Variants in SLC38A11 observed in about 807,000 individuals in gnomAD.
SLC38A11 encodes putative sodium-coupled neutral amino acid transporter 11.
SLC38A11 carries 51 observed loss-of-function variants against 49.4 expected under a neutral mutation model. The observed-to-expected ratio is 1.03, with a 90% CI of 0.83 to 1.30. SLC38A11 has a LOEUF of 1.30. Ranked by LOEUF, SLC38A11 falls within the 50% of genes most tolerant of loss-of-function variation. The pLI is 0.00. For missense variants in SLC38A11, 574 were observed against 556.2 expected, an observed-to-expected ratio of 1.03 and a Z score of -0.32; for synonymous variants, 203 against 192.9, an observed-to-expected ratio of 1.05 and a Z score of -0.43.
chr2:164,915,966 T>G lies in SLC38A11; in HGVS notation c.625A>C (p.Thr209Pro). ...TTTGCAAATACCCAAGCGTCTTCTGTTTTTGGTCTAGAAGAAAAATCAGTT... is the reference window on the plus strand; with the variant it reads ...TTTGCAAATACCCAAGCGTCTTCTGGTTTTGGTCTAGAAGAAAAATCAGTT... ...AISLGPHIPK[T>P]EDAWVFAKPN... The change falls in exon 8 of 12, where the codon ACA becomes CCA. Residue 209 changes from threonine (T) to proline (P), a missense_variant. Transcript: ENST00000685975. 6.3e-7 allele frequency: 1 copy of G among 1,585,572 alleles called. No homozygotes were observed. Among genetic ancestry groups the G allele is most frequent in the Non-Finnish European group, 8.6e-7 (1 of 1,158,682 alleles).
At chr2:164,939,421 T>G in intron 6 of SLC38A11, 29 bp downstream of exon 6, 1 of 1,475,846 alleles carries the variant, frequency 6.8e-7, no homozygotes, top group Non-Finnish European at 9.4e-7. Context: ...AAGGTACATT[T>G]CTATGCCCAT....
intron 11 of SLC38A11, among the ~76,000 whole-genome samples, chr2:164,904,428 G>A (rs1190407347): frequency 1.3e-5 from 2 of 152,062 alleles, no homozygotes; most frequent in Non-Finnish European, 2.9e-5. Context: ...AAAAAGGAAA[G>A]CAAGGTTCTA....
chr2:164,900,782 C>A (rs1402270725), intron 11 of SLC38A11, among the ~76,000 whole-genome samples: 1 of 152,018 alleles, frequency 6.6e-6, no homozygotes, highest in Admixed American at 6.6e-5. Context: ...ACCCCCTCCC[C>A]ACTGCAGAGG....
At chr2:164,905,514 A>G (rs1239494970) in intron 11 of SLC38A11, among the ~76,000 whole-genome samples, 1 of 152,156 alleles carries the variant, frequency 6.6e-6, no homozygotes, top group African/African-American at 2.4e-5. Context: ...TTAGTTACTA[A>G]CAGACATGAT....
intron 11 of SLC38A11, among the ~76,000 whole-genome samples, chr2:164,905,056 C>T (rs771046594): frequency 2.6e-5 from 4 of 152,170 alleles, no homozygotes; most frequent in Non-Finnish European, 5.9e-5. Flanking sequence ...GATGATACTG[C>T]AAAGCACCTG....
intron 7 of SLC38A11, among the ~76,000 whole-genome samples, chr2:164,934,131 C>G (rs1050931328): frequency 8.5e-5 from 13 of 152,048 alleles, no homozygotes; most frequent in Non-Finnish European, 1.9e-4. Context: ...TCAAGGCACA[C>G]TGCTTATATG....
chr2:164,928,831 T>G (rs1044264214), intron 7 of SLC38A11, among the ~76,000 whole-genome samples: 6 of 152,092 alleles, frequency 3.9e-5, no homozygotes, highest in Non-Finnish European at 8.8e-5. Flanking sequence ...TTAGAATGTG[T>G]TCACAATTTA....
intron 9 of SLC38A11, among the ~76,000 whole-genome samples, chr2:164,913,953 T>C (rs1685583114): frequency 6.6e-6 from 1 of 152,044 alleles, no homozygotes; most frequent in Non-Finnish European, 1.5e-5. Flanking sequence ...CTGTAACCTC[T>C]GTTCAGAATA....
chr2:164,930,802 C>A (rs1344776979), intron 7 of SLC38A11, among the ~76,000 whole-genome samples: 5 of 152,198 alleles, frequency 3.3e-5, no homozygotes, highest in Non-Finnish European at 7.4e-5. Flanking sequence ...CAACATCATA[C>A]TAAATGGGCA....
At chr2:164,905,713 T>C (rs1159240829) in intron 11 of SLC38A11, among the ~76,000 whole-genome samples, 2 of 152,190 alleles carry the variant, frequency 1.3e-5, no homozygotes, top group Admixed American at 1.3e-4. Context: ...CATAATTGTC[T>C]TGGGCTATTA....
In SLC38A11 at chr2:164,945,593, C is replaced by G. The variant is rs776267110; in HGVS notation, c.364G>C (p.Ala122Pro). The G allele has an allele frequency of 6.3e-7, 1 of 1,588,430 alleles. No individual in the cohort carries two copies. The highest frequency in any genetic ancestry group is 1.4e-5 in the African/African-American group (1 of 73,116). The change falls in exon 4 of 12, where the codon GCA (alanine) becomes CCA (proline). Residue 122 changes from alanine (A) to proline (P), a missense_variant and splice_region_variant. By Grantham distance (27) the Ala-to-Pro change is conservative. Transcript: ENST00000685975. ...ATATTTATCTTCACAGTCAACTTAC[C>G]TATAAAAGGATACAAAAACTGAAGA... Reference protein sequence around the residue: ...SVLQFLYPFIAMISYNIIAGD... With the variant: ...SVLQFLYPFIPMISYNIIAGD...
intron 11 of SLC38A11, among the ~76,000 whole-genome samples, chr2:164,899,565 T>G (rs1357583644): frequency 6.6e-6 from 1 of 152,146 alleles, no homozygotes; most frequent in Non-Finnish European, 1.5e-5. Context: ...GGTAATATGT[T>G]TTTCTAATTA....
At chr2:164,918,312 A>T (rs534855203) in intron 7 of SLC38A11, among the ~76,000 whole-genome samples, 66 of 152,202 alleles carry the variant, frequency 4.3e-4, no homozygotes, top group African/African-American at 1.6e-3. Flanking sequence ...TATTAATATA[A>T]TCAATATTTA....
At chr2:164,912,217 T>A (rs909504346) in intron 9 of SLC38A11, 7 of 152,254 alleles carry the variant, frequency 4.6e-5, no homozygotes, top group African/African-American at 1.7e-4. Context: ...TTGAATTCAA[T>A]AACTATGTAG....
rs985138335 is a variant in SLC38A11, at chr2:164,896,087, C to T, written c.*2350G>A. ...GGGATGGAAAGATTTTCAGGGGAAT[C>T]TCTTATTGAACTGAGGCAGAAAATA... On this transcript the variant is annotated 3_prime_UTR_variant, in exon 12 of 12. Coordinates refer to ENST00000685975, the MANE Select transcript of SLC38A11 (RefSeq NM_001351537.2). 6.6e-6 allele frequency: 1 copy of T among 151,988 alleles called. No individual in the cohort carries two copies. Among genetic ancestry groups the T allele is most frequent in the African/African-American group, 2.4e-5 (1 of 41,366 alleles). 9.4% of individuals were successfully genotyped at this position (151,988 alleles called of 1,614,324 possible).
Position 164,898,740 on chromosome 2 carries a change from G to A in SLC38A11, c.1096-10C>T. 1 of 1,596,396 alleles carries A rather than the reference G, an allele frequency of 6.3e-7. No individual in the cohort carries two copies. The highest frequency in any genetic ancestry group is 1.1e-5 in the South Asian group (1 of 88,966). ...TTGCACAGAGCACACCCTGCATGTTGAAAACAAGAAACAAGATAATGTCAC... is the reference window on the plus strand; with the variant it reads ...TTGCACAGAGCACACCCTGCATGTTAAAAACAAGAAACAAGATAATGTCAC... On this transcript the variant is annotated splice_polypyrimidine_tract_variant and intron_variant, in intron 11 of 11. Transcript: ENST00000685975.
intron 6 of SLC38A11, chr2:164,937,634 C>T (rs528883113): frequency 2.2e-6 from 1 of 449,356 alleles, no homozygotes; most frequent in Admixed American, 3.7e-5. Context: ...CGCACCCACC[C>T]CAAGTAGGTG....
At chr2:164,915,398 T>A in intron 8 of SLC38A11, 125 bp from the exon 9 acceptor site, 2 of 776,392 alleles carry the variant, frequency 2.6e-6, no homozygotes, top group Non-Finnish European at 2.0e-6. Flanking sequence ...ACAACTTTAT[T>A]AATATGTCAG....
intron 7 of SLC38A11, among the ~76,000 whole-genome samples, chr2:164,918,068 A>G (rs1478229335): frequency 6.6e-6 from 1 of 151,870 alleles, no homozygotes; most frequent in Non-Finnish European, 1.5e-5. Context: ...TTCCAGATAC[A>G]ATCAGTTGTA....
Sources: allele counts gnomAD v4.1 joint callset (sites outside exome capture counted in the v4.1 genomes callset), GRCh38; gene constraint gnomAD v4.1.1; transcripts MANE v1.5; gene names NCBI Gene and HGNC (gene_info 2026-07-23, HGNC 2026-07-21).